DCC: variants seen among roughly 807,000 people sequenced by gnomAD.
DCC encodes the protein DCC netrin 1 receptor.
DCC carries 58 observed loss-of-function variants against 172.5 expected under a neutral mutation model. The observed-to-expected ratio is 0.34, with a 90% CI of 0.27 to 0.42. The LOEUF is 0.42. Ranked by LOEUF, DCC falls within the 10% of genes least tolerant of loss-of-function variation. The probability of loss-of-function intolerance (pLI) is 1.00; values close to 1 mark genes in which losing one functional copy is unlikely to be tolerated. For synonymous variants in DCC, 709 were observed against 644.5 expected, an observed-to-expected ratio of 1.10 and a Z score of -1.52; for missense variants, 1,740 against 1,791.0, an observed-to-expected ratio of 0.97 and a Z score of 0.51.
chr18:52,424,312 T>C (rs1316795807), intron 1 of DCC, among the ~76,000 whole-genome samples: 1 of 152,140 alleles, frequency 6.6e-6, no homozygotes, highest in African/African-American at 2.4e-5. Flanking sequence ...GATGCATTTG[T>C]CTGTTCCCCA....
chr18:52,436,711 C>T (rs1987807309), intron 1 of DCC, among the ~76,000 whole-genome samples: 1 of 152,162 alleles, frequency 6.6e-6, no homozygotes, highest in African/African-American at 2.4e-5. Context: ...AGTTCGAGAA[C>T]AGCCTGCCAA....
intron 1 of DCC, among the ~76,000 whole-genome samples, chr18:52,500,220 G>A (rs1309451877): frequency 1.3e-5 from 2 of 151,918 alleles, no homozygotes; most frequent in Non-Finnish European, 2.9e-5. Context: ...TATATTTCCT[G>A]GTTGAAGTGA....
intron 7 of DCC, among the ~76,000 whole-genome samples, chr18:53,128,702 G>A (rs1270004720): frequency 2.6e-5 from 4 of 151,674 alleles, no homozygotes; most frequent in African/African-American, 7.3e-5. Context: ...GATAAGGCTA[G>A]GGAGGAAGGA....
intron 12 of DCC, among the ~76,000 whole-genome samples, chr18:53,271,960 A>G (rs2056754172): frequency 6.6e-6 from 1 of 152,182 alleles, no homozygotes; most frequent in South Asian, 2.1e-4. Flanking sequence ...GCTTCTTTTT[A>G]GGAAAAGGCC....
chr18:53,027,038 TA>T (rs1190124729), intron 5 of DCC, among the ~76,000 whole-genome samples: 3 of 152,142 alleles, frequency 2.0e-5, no homozygotes, highest in African/African-American at 4.8e-5. Context: ...ATTATTCACT[TA>T]AAAAATACAA....
At chr18:53,278,435 C>A (rs2056831635) in intron 12 of DCC, among the ~76,000 whole-genome samples, 1 of 152,036 alleles carries the variant, frequency 6.6e-6, no homozygotes, top group Non-Finnish European at 1.5e-5. Flanking sequence ...CTATTGTATG[C>A]ATTATCAAGA....
At chr18:52,808,402 CTTTT>C (rs11382141) in intron 2 of DCC, among the ~76,000 whole-genome samples, 1 of 146,076 alleles carries the variant, frequency 6.8e-6, no homozygotes, top group Non-Finnish European at 1.5e-5. Context: ...CAAGATTTGG[CTTTT>C]TTTTTTTTTC....
At chr18:53,511,394 G>A (rs1331651286) in intron 27 of DCC, among the ~76,000 whole-genome samples, 1 of 152,220 alleles carries the variant, frequency 6.6e-6, no homozygotes, top group Non-Finnish European at 1.5e-5. Flanking sequence ...CTGGAGTCAG[G>A]CCTTGCCTTG....
intron 1 of DCC, among the ~76,000 whole-genome samples, chr18:52,538,757 T>A (rs2032354681): frequency 6.6e-6 from 1 of 152,234 alleles, no homozygotes. Context: ...TAGTGTTTTC[T>A]TACAAACATG....
Position 52,937,445 on chromosome 18 carries a change from G to A in DCC, c.985+12075G>A, listed in dbSNP as rs148359561. ...ATTCAGTTCCCATTTTCCACTGTAA[G>A]CCTTTTTGTTTAATGGACAATTTAT... On this transcript the variant is annotated intron_variant, in intron 5 of 28. Coordinates refer to ENST00000442544, the MANE Select transcript of DCC (RefSeq NM_005215.4). Among the ~76,000 whole-genome samples, 218 of 152,178 alleles carry A rather than the reference G, an allele frequency of 1.4e-3. 1 individual carries two copies. The highest frequency in any genetic ancestry group is 5.0e-3 in the African/African-American group (206 of 41,538).
At chr18:52,555,818 T>G (rs1009703116) in intron 1 of DCC, among the ~76,000 whole-genome samples, 1 of 152,186 alleles carries the variant, frequency 6.6e-6, no homozygotes, top group Admixed American at 6.6e-5. Context: ...TAAAGGATGT[T>G]TTATAGACTG....
In DCC at chr18:53,147,142, C is replaced by A. The variant is rs546608253; in HGVS notation, c.1262-10214C>A. 5.3e-5 allele frequency among the ~76,000 whole-genome samples: 8 copies of A among 152,102 alleles called. No individual in the cohort carries two copies. The East Asian group carries it at 1.2e-3, about 22-fold the overall frequency. ...TAAGGTGTAAGTACTAGGTTCAGGT[C>A]AATATGCCTCTTCTATGGTTGATAG... On this transcript the variant is annotated intron_variant, in intron 7 of 28. Coordinates refer to ENST00000442544, the MANE Select transcript of DCC (RefSeq NM_005215.4).
At chr18:53,034,931 A>G (rs1044430571) in intron 5 of DCC, among the ~76,000 whole-genome samples, 1 of 152,036 alleles carries the variant, frequency 6.6e-6, no homozygotes, top group Non-Finnish European at 1.5e-5. Context: ...TAAATAGCCC[A>G]TTCACACTAC....
intron 3 of DCC, among the ~76,000 whole-genome samples, chr18:52,921,496 C>G (rs187864327): frequency 3.3e-5 from 5 of 151,872 alleles, no homozygotes; most frequent in Admixed American, 1.3e-4. Context: ...ATGAGGAGTT[C>G]GAGACCAGCC....
At chr18:52,980,288 T>A (rs921988607) in intron 5 of DCC, among the ~76,000 whole-genome samples, 12 of 152,188 alleles carry the variant, frequency 7.9e-5, no homozygotes, top group African/African-American at 2.9e-4. Flanking sequence ...ATTTTATTTT[T>A]TTTTAGATTG....
intron 1 of DCC, among the ~76,000 whole-genome samples, chr18:52,357,573 A>G (rs752299482): frequency 2.0e-5 from 3 of 152,210 alleles, no homozygotes; most frequent in Non-Finnish European, 4.4e-5. Context: ...TCAAAATATT[A>G]TATATACTCT....
Position 52,807,316 on chromosome 18 carries a change from C to T in DCC, c.412+54942C>T, listed in dbSNP as rs7226426. Among the ~76,000 whole-genome samples, 1,101 of 152,298 alleles carry T rather than the reference C, an allele frequency of 7.2e-3. 15 individuals carry two copies. The highest frequency in any genetic ancestry group is 0.025 in the African/African-American group (1,050 of 41,562). On this transcript the variant is annotated intron_variant, in intron 2 of 28. Coordinates refer to ENST00000442544, the MANE Select transcript of DCC (RefSeq NM_005215.4). Reference sequence around the variant, plus strand: ...CGGTGAGATGCCCCATCTGAGCATACATCTGTAGCTAGATTGCTGATGACT... The same window carrying T: ...CGGTGAGATGCCCCATCTGAGCATATATCTGTAGCTAGATTGCTGATGACT...
intron 13 of DCC, among the ~76,000 whole-genome samples, chr18:53,314,275 T>C (rs1211928100): frequency 6.6e-6 from 1 of 152,178 alleles, no homozygotes; most frequent in Non-Finnish European, 1.5e-5. Context: ...ATGCACTTAC[T>C]TGGGTATAAA....
At chr18:53,507,095 G>A (rs1441830669) in intron 27 of DCC, among the ~76,000 whole-genome samples, 3 of 151,122 alleles carry the variant, frequency 2.0e-5, no homozygotes, top group African/African-American at 7.3e-5. Context: ...TTTTTGTTTT[G>A]TGAAAGACTA....
Sources: gnomAD v4.1 joint callset for allele counts (sites outside exome capture counted in the v4.1 genomes callset) on GRCh38, gnomAD v4.1.1 for gene constraint, MANE v1.5 for transcripts, NCBI Gene and HGNC (gene_info 2026-07-23, HGNC 2026-07-21) for gene names.